EPHB1: variants seen among roughly 807,000 people sequenced by gnomAD.
EPHB1 encodes the protein ephrin type-B receptor 1.
EPHB1 carries 30 observed loss-of-function variants against 94.4 expected under a neutral mutation model. The observed-to-expected ratio is 0.32, with a 90% CI of 0.24 to 0.43. The LOEUF is 0.43. EPHB1 is among the 20% of genes least tolerant of loss of function. EPHB1 has a pLI of 1.00. For synonymous variants in EPHB1, 522 were observed against 489.1 expected, an observed-to-expected ratio of 1.07 and a Z score of -0.89; for missense variants, 1,055 against 1,308.3, an observed-to-expected ratio of 0.81 and a Z score of 2.99.
chr3:134,875,623 A>T (rs1333041066), intron 1 of EPHB1, among the ~76,000 whole-genome samples: 1 of 152,194 alleles, frequency 6.6e-6, no homozygotes, highest in South Asian at 2.1e-4. Context: ...CATCGCTAAA[A>T]TGTGGATAAT....
intron 2 of EPHB1, among the ~76,000 whole-genome samples, chr3:134,933,633 C>T (rs2038944325): frequency 6.6e-6 from 1 of 152,182 alleles, no homozygotes; most frequent in African/African-American, 2.4e-5. Flanking sequence ...CCCCATTTTA[C>T]AGATGAGGAA....
chr3:135,041,272 A>T lies in EPHB1; in HGVS notation c.806-65176A>T, dbSNP rs78329022. Among the ~76,000 whole-genome samples, 40 of 152,138 alleles carry T rather than the reference A, an allele frequency of 2.6e-4. 1 individual carries two copies. In the East Asian group the frequency reaches 6.4e-3, roughly 24 times the overall value. On this transcript the variant is annotated intron_variant, in intron 3 of 15. Coordinates refer to ENST00000398015, the MANE Select transcript of EPHB1 (RefSeq NM_004441.5). Reference sequence around the variant, plus strand: ...CTTTCAACCCCCCAGCCTTCCCCCAAACCATAATGTGGTACTCCCTGGAGT... The same window carrying T: ...CTTTCAACCCCCCAGCCTTCCCCCATACCATAATGTGGTACTCCCTGGAGT...
At chr3:134,942,882 C>T (rs1358909553) in intron 2 of EPHB1, among the ~76,000 whole-genome samples, 1 of 152,162 alleles carries the variant, frequency 6.6e-6, no homozygotes, top group Non-Finnish European at 1.5e-5. Context: ...GAGCTCACAG[C>T]CTGGTAGCAG....
chr3:135,135,817 T>C (rs1940601319), intron 5 of EPHB1, among the ~76,000 whole-genome samples: 1 of 152,214 alleles, frequency 6.6e-6, no homozygotes, highest in Non-Finnish European at 1.5e-5. Flanking sequence ...GCGTACTCTA[T>C]GTCTGGAACT....
intron 3 of EPHB1, among the ~76,000 whole-genome samples, chr3:134,996,801 G>A (rs1339199054): frequency 1.3e-5 from 2 of 151,896 alleles, no homozygotes; most frequent in Non-Finnish European, 2.9e-5. Context: ...TATCTTGAAT[G>A]CCTGTTCATA....
chr3:135,201,500 C>G lies in EPHB1; in HGVS notation c.2157C>G (p.Ile719Met). The G allele has an allele frequency of 6.2e-7, 1 of 1,613,990 alleles. No homozygotes were observed. The highest frequency in any genetic ancestry group is 8.5e-7 in the Non-Finnish European group (1 of 1,179,994). The part of the protein sequence containing the change: ...LRQNDGQFTV[I>M]QLVGMLRGIA... Reference sequence around the variant, plus strand: ...AAAATGACGGGCAGTTCACCGTGATCCAGCTTGTGGGTATGCTCAGGGGCA... The same window carrying G: ...AAAATGACGGGCAGTTCACCGTGATGCAGCTTGTGGGTATGCTCAGGGGCA... Residue 719 changes from isoleucine (I) to methionine (M), a missense_variant, in exon 12 of 16, where the codon ATC becomes ATG. Coordinates refer to ENST00000398015, the MANE Select transcript of EPHB1 (RefSeq NM_004441.5).
At chr3:135,219,758 C>T (rs1420904313) in intron 12 of EPHB1, among the ~76,000 whole-genome samples, 2 of 152,212 alleles carry the variant, frequency 1.3e-5, no homozygotes, top group Non-Finnish European at 2.9e-5. Context: ...CCCTGATCAG[C>T]CTTGATACTG....
At chr3:135,206,600 A>T (rs1942907123) in intron 12 of EPHB1, among the ~76,000 whole-genome samples, 1 of 152,230 alleles carries the variant, frequency 6.6e-6, no homozygotes, top group Non-Finnish European at 1.5e-5. Flanking sequence ...CTGTAATCCC[A>T]GCACTTTGGG....
chr3:135,049,790 G>A (rs1306129818), intron 3 of EPHB1, among the ~76,000 whole-genome samples: 3 of 152,194 alleles, frequency 2.0e-5, no homozygotes, highest in Non-Finnish European at 4.4e-5. Flanking sequence ...GTTTCTATGT[G>A]AGGACACAGG....
intron 3 of EPHB1, among the ~76,000 whole-genome samples, chr3:135,035,697 A>G (rs1559803795): frequency 6.6e-6 from 1 of 152,150 alleles, no homozygotes; most frequent in Non-Finnish European, 1.5e-5. Context: ...CTGGAGACCT[A>G]CTGTCCACTG....
chr3:134,854,451 C>G, intron 1 of EPHB1, among the ~76,000 whole-genome samples: 1 of 151,996 alleles, frequency 6.6e-6, no homozygotes, highest in Admixed American at 6.6e-5. Flanking sequence ...TTTATTGCAC[C>G]GCATTTTGGT....
intron 3 of EPHB1, among the ~76,000 whole-genome samples, chr3:135,005,474 G>A (rs1351066116): frequency 1.3e-5 from 2 of 152,234 alleles, no homozygotes; most frequent in Admixed American, 1.3e-4. Context: ...CTTGAGCTGT[G>A]GTGGGCTCCA....
intron 1 of EPHB1, among the ~76,000 whole-genome samples, chr3:134,917,271 C>A (rs919211296): frequency 2.0e-5 from 3 of 152,176 alleles, no homozygotes; most frequent in Non-Finnish European, 4.4e-5. Context: ...TACCAAGGGC[C>A]AAGCTGGGCT....
chr3:135,186,703 T>C (rs1398653532), intron 10 of EPHB1, among the ~76,000 whole-genome samples: 1 of 152,226 alleles, frequency 6.6e-6, no homozygotes, highest in East Asian at 1.9e-4. Flanking sequence ...AGAATTCTTT[T>C]CTTCTGATTT....
rs548814868 is a variant in EPHB1, at chr3:135,119,398, C to T, written c.961+12795C>T. On this transcript the variant is annotated intron_variant, in intron 4 of 15. Transcript: ENST00000398015. ...TTGACTACATTTTATATATGTCCTT[C>T]CCACTCTAAGGCATGAAAACACTCT... 2.0e-5 allele frequency among the ~76,000 whole-genome samples: 3 copies of T among 152,172 alleles called. No homozygotes were observed. The South Asian group carries it at 6.2e-4, about 32-fold the overall frequency.
intron 3 of EPHB1, among the ~76,000 whole-genome samples, chr3:135,054,551 A>G (rs902954554): frequency 2.2e-4 from 33 of 152,222 alleles, no homozygotes; most frequent in Non-Finnish European, 1.5e-5. Flanking sequence ...TCCAGAGCAC[A>G]GAGCACAGCC....
At chr3:134,810,276 A>AGTGTGTGTGTGTGTGTGTGTGTGTGT (rs35841212) in intron 1 of EPHB1, among the ~76,000 whole-genome samples, 2 of 145,792 alleles carry the variant, frequency 1.4e-5, no homozygotes, top group Non-Finnish European at 3.0e-5. Context: ...GCACAGGAGG[A>AGTGTGTGTGTGTGTGTGTGTGTGTGT]GTGTGTGTGT....
chr3:135,195,101 G>A (rs1217540670), intron 11 of EPHB1, among the ~76,000 whole-genome samples: 2 of 152,080 alleles, frequency 1.3e-5, no homozygotes, highest in Admixed American at 1.3e-4. Flanking sequence ...TGAATAAAAG[G>A]CAATGTGAGA....
chr3:135,050,657 T>A (rs1937142615), intron 3 of EPHB1, among the ~76,000 whole-genome samples: 1 of 152,108 alleles, frequency 6.6e-6, no homozygotes, highest in Admixed American at 6.5e-5. Flanking sequence ...TGGGGCTGGA[T>A]CCCTTTTGAA....
Sources: allele counts gnomAD v4.1 joint callset (sites outside exome capture counted in the v4.1 genomes callset), GRCh38; gene constraint gnomAD v4.1.1; transcripts MANE v1.5; gene names NCBI Gene and HGNC (gene_info 2026-07-23, HGNC 2026-07-21).